ZNF275: variants seen among roughly 807,000 people sequenced by gnomAD.
ZNF275 encodes zinc finger protein 275.
Under a neutral mutation model 4.3 loss-of-function variants are expected in ZNF275, and 4 were observed. The observed-to-expected ratio is 0.93, with a 90% CI of 0.46 to 2.13. The LOEUF (loss-of-function observed/expected upper bound fraction) is 2.13, where lower values mean the gene tolerates loss of function less well. ZNF275 is among the 30% of genes most tolerant of loss of function. The pLI, the probability that ZNF275 is intolerant of heterozygous loss-of-function variation, is 0.02. For missense variants in ZNF275, 352 were observed against 397.1 expected (o/e 0.89, Z 0.97); for synonymous variants, 173 against 166.9 (o/e 1.04, Z -0.28).
intron 1 of ZNF275, among the ~76,000 whole-genome samples, chrX:153,334,723 C>A (rs1461786161): frequency 1.8e-5 from 2 of 109,139 alleles, no homozygotes; most frequent in African/African-American, 6.7e-5. Context: ...GGAGCCCGAT[C>A]TGGAGGGGGC....
chrX:153,338,131 C>G (rs1336258342), intron 2 of ZNF275, among the ~76,000 whole-genome samples: 1 of 111,519 alleles, frequency 9.0e-6, no homozygotes, highest in African/African-American at 3.3e-5. Flanking sequence ...CTGATTAGTT[C>G]CACCATTTTA....
At position 153,349,066 on chromosome X, in the gene ZNF275, T is replaced by G. The variant is rs914359234; in HGVS notation, c.*1091T>G. ...TTGAGAGCATGCCCCTAAGAAGAGA[T>G]ACATCTCAAGGACTCAAGTGCAGGG... is the stretch of plus-strand genomic sequence containing the variant. On this transcript the variant is annotated 3_prime_UTR_variant, in exon 4 of 4. Transcript: ENST00000650114. 8.1e-6 allele frequency: 1 copy of G among 123,705 alleles called. No individual in the cohort carries two copies. The highest frequency in any genetic ancestry group is 1.9e-5 in the Non-Finnish European group (1 of 53,366). 10.2% of individuals were successfully genotyped at this position (123,705 alleles called of 1,213,427 possible).
At position 153,345,578 on chromosome X, in the gene ZNF275, G is replaced by C. The variant is rs368950000; in HGVS notation, c.90G>C (p.Leu30=). Reference sequence around the variant, plus strand: ...ACCTGGCACAAGGACAAGTGCTACTGGTGTCAGACCCATCGCCCAACACTG... The same window carrying C: ...ACCTGGCACAAGGACAAGTGCTACTCGTGTCAGACCCATCGCCCAACACTG... ...VPHLAQGQVL[L]VSDPSPNTDP... The change falls in exon 3 of 4, where the codon CTG becomes CTC. Residue 30 remains leucine, a synonymous_variant. Coordinates refer to ENST00000650114, the MANE Select transcript of ZNF275 (RefSeq NM_001367757.1). 2.1e-5 allele frequency: 26 copies of C among 1,209,847 alleles called. No individual in the cohort carries two copies. The African/African-American group carries it at 4.2e-4, about 19-fold the overall frequency.
intron 2 of ZNF275, among the ~76,000 whole-genome samples, chrX:153,341,570 C>G (rs1427255797): frequency 1.0e-4 from 11 of 110,193 alleles, no homozygotes; most frequent in African/African-American, 3.3e-4. Context: ...ATCTTTCCAC[C>G]TACTATCATT....
In ZNF275 at chrX:153,347,079, G is replaced by A. The variant is rs1556961669; in HGVS notation, c.394G>A (p.Gly132Ser). 1 of 1,211,505 alleles carries A rather than the reference G, an allele frequency of 8.3e-7. No individual in the cohort carries two copies. The highest frequency in any genetic ancestry group is 1.8e-5 in the South Asian group (1 of 56,958). Residue 132 changes from glycine to serine, a missense_variant, in exon 4 of 4, where the codon GGC (glycine) becomes AGC (serine). Coordinates refer to ENST00000650114, the MANE Select transcript of ZNF275 (RefSeq NM_001367757.1). ...VHSEEKGWEC[G>S]DCGKVFRGVA... ...CAGTGAGGAGAAGGGCTGGGAATGT[G>A]GCGACTGCGGGAAGGTCTTTAGGGG...
chrX:153,335,267 C>T (rs1479946626), intron 1 of ZNF275, among the ~76,000 whole-genome samples: 1 of 109,695 alleles, frequency 9.1e-6, no homozygotes, highest in African/African-American at 3.3e-5. Flanking sequence ...GCTGGGCATG[C>T]GGCCCCCTCC....
chrX:153,344,970 C>T (rs1320884111), intron 2 of ZNF275: 1 of 218,128 alleles, frequency 4.6e-6, no homozygotes, highest in African/African-American at 2.9e-5. Context: ...CCCTCTCAGT[C>T]TTTTACTGGG....
chrX:153,342,103 A>G (rs1313864000), intron 2 of ZNF275, among the ~76,000 whole-genome samples: 3 of 111,874 alleles, frequency 2.7e-5, no homozygotes, highest in Admixed American at 1.9e-4. Context: ...GGTCATTAAG[A>G]TGCTGTTTGT....
chrX:153,337,420 G>C (rs1181357200), intron 2 of ZNF275, among the ~76,000 whole-genome samples: 1 of 112,035 alleles, frequency 8.9e-6, no homozygotes, highest in African/African-American at 3.3e-5. Flanking sequence ...GACGTGGGTT[G>C]TTTTTTGTCT....
intron 2 of ZNF275, chrX:153,344,344 C>T (rs1186351957): frequency 1.3e-4 from 33 of 260,124 alleles, no homozygotes; most frequent in South Asian, 1.2e-3. Context: ...CCTACCCTCC[C>T]TCTGCTTCTC....
At chrX:153,339,503 T>C (rs1556960877) in intron 2 of ZNF275, among the ~76,000 whole-genome samples, 1 of 87,648 alleles carries the variant, frequency 1.1e-5, no homozygotes, top group Non-Finnish European at 2.0e-5. Flanking sequence ...AGACTCCATC[T>C]CTACAATTTT....
chrX:153,343,600 T>C, intron 2 of ZNF275: 1 of 265,550 alleles, frequency 3.8e-6, no homozygotes, highest in East Asian at 1.1e-4. Context: ...TGTACCTGTC[T>C]TGCTGTCACC....
intron 2 of ZNF275, among the ~76,000 whole-genome samples, chrX:153,339,239 T>C (rs1556960859): frequency 8.9e-6 from 1 of 111,822 alleles, no homozygotes; most frequent in Non-Finnish European, 1.9e-5. Flanking sequence ...CCCTGCGCTG[T>C]TGGAGCTCCA....
intron 2 of ZNF275, among the ~76,000 whole-genome samples, chrX:153,337,777 G>A (rs189149577): frequency 3.6e-5 from 4 of 112,250 alleles, no homozygotes; most frequent in Admixed American, 2.8e-4. Context: ...CTTTCTGGGA[G>A]TTTATAGTCT....
At position 153,344,916 on chromosome X, in the gene ZNF275, A is replaced by G. The variant is rs781866833; in HGVS notation, c.32-604A>G. On this transcript the variant is annotated intron_variant, in intron 2 of 3. Coordinates refer to ENST00000650114, the MANE Select transcript of ZNF275 (RefSeq NM_001367757.1). The stretch of plus-strand genomic sequence containing the variant: ...ATGGGTCTGCCACACCTGATATGTC[A>G]GAGTAGTATGAGCTCCCCCAACTCC... 1.9e-5 allele frequency: 5 copies of G among 264,734 alleles called. No individual in the cohort carries two copies. The East Asian group carries it at 4.7e-4, about 25-fold the overall frequency. The allele number at this position is 264,734 out of a possible 1,213,427, so 21.8% of individuals were successfully genotyped here. A position where few individuals can be genotyped will look rare whatever the true frequency, so the allele number is the denominator to read the frequency against.
chrX:153,345,202 G>C lies in ZNF275; in HGVS notation c.32-318G>C, dbSNP rs782669703. 2.2e-4 allele frequency: 46 copies of C among 211,666 alleles called. 1 individual carries two copies. In the South Asian group the frequency reaches 3.4e-3, roughly 16 times the overall value. The allele number at this position is 211,666 out of a possible 1,213,427, so 17.4% of individuals were successfully genotyped here. A position where few individuals can be genotyped will look rare whatever the true frequency, so the allele number is the denominator to read the frequency against. Reference sequence around the variant, plus strand: ...ATTTGGGAGCTGTCGAAGTCCACGTGTCTGGGAAGAGCATGAAGTTAAATG... The same window carrying C: ...ATTTGGGAGCTGTCGAAGTCCACGTCTCTGGGAAGAGCATGAAGTTAAATG... On this transcript the variant is annotated intron_variant, in intron 2 of 3. Coordinates refer to ENST00000650114, the MANE Select transcript of ZNF275 (RefSeq NM_001367757.1).
intron 2 of ZNF275, chrX:153,344,760 T>C (rs2088501397): frequency 3.1e-6 from 1 of 320,192 alleles, no homozygotes; most frequent in Non-Finnish European, 5.7e-6. Context: ...TGGAATATTA[T>C]GGGAACGTGA....
intron 3 of ZNF275, 77 bp downstream of exon 3, chrX:153,345,698 G>A (rs781973258): frequency 3.7e-6 from 3 of 802,462 alleles, no homozygotes; most frequent in African/African-American, 4.1e-5. Context: ...GGGTTGGAGA[G>A]CCCAGCTGAG....
chrX:153,337,230 G>A (rs782776032), intron 2 of ZNF275, among the ~76,000 whole-genome samples: 2 of 111,595 alleles, frequency 1.8e-5, no homozygotes, highest in Non-Finnish European at 3.8e-5. Flanking sequence ...CCCCTGCCCA[G>A]GGAAGGACAG....
Sources: gnomAD v4.1 joint callset for allele counts (sites outside exome capture counted in the v4.1 genomes callset) on GRCh38, gnomAD v4.1.1 for gene constraint, MANE v1.5 for transcripts, NCBI Gene and HGNC (gene_info 2026-07-23, HGNC 2026-07-21) for gene names.